Variants in ITGAL observed in about 807,000 individuals in gnomAD.
ITGAL encodes integrin alpha-L.
ITGAL carries 68 observed loss-of-function variants against 138.4 expected under a neutral mutation model. The ratio of observed to expected loss-of-function variants is 0.49; its 90% CI spans 0.40 to 0.60. ITGAL has a LOEUF of 0.60. ITGAL is among the 20% of genes least tolerant of loss of function. The pLI is 0.00. For missense variants in ITGAL, 1,256 were observed against 1,478.6 expected (o/e 0.85, Z 2.47); for synonymous variants, 561 against 584.3 (o/e 0.96, Z 0.57).
rs1264862843 is a variant in ITGAL, at chr16:30,479,404, G to T, written c.519G>T (p.Gln173His). 1 of 1,614,084 alleles carries T rather than the reference G, an allele frequency of 6.2e-7. No individual in the cohort carries two copies. The highest frequency in any genetic ancestry group is 1.1e-5 in the South Asian group (1 of 91,072). ...TGAGCTTGCAGCCAGATGAATTTCAGAAAATTCTGGACTTCATGAAGGATG... is the reference window on the plus strand; with the variant it reads ...TGAGCTTGCAGCCAGATGAATTTCATAAAATTCTGGACTTCATGAAGGATG... ...GSMSLQPDEFQKILDFMKDVM... is the reference protein window; with the variant it reads ...GSMSLQPDEFHKILDFMKDVM... The change falls in exon 6 of 31, where the codon CAG becomes CAT. Residue 173 changes from glutamine (Q) to histidine (H), a missense_variant. By Grantham distance (24) the Gln-to-His change is conservative (BLOSUM62 0). Transcript: ENST00000356798.
chr16:30,520,250 A>G (rs981630278), intron 30 of ITGAL, among the ~76,000 whole-genome samples: 19 of 152,180 alleles, frequency 1.2e-4, no homozygotes, highest in Non-Finnish European at 2.4e-4. Flanking sequence ...CCTGGGCAAC[A>G]TGGAAAGCAT....
At chr16:30,510,511 G>A (rs749032969) in intron 22 of ITGAL, 40 bp downstream of exon 22, 8 of 1,195,056 alleles carry the variant, frequency 6.7e-6, no homozygotes, top group Non-Finnish European at 1.0e-5. Flanking sequence ...CAGCCTAGGG[G>A]CCCTGAGCTG....
At chr16:30,520,539 G>A (rs4243233) in intron 30 of ITGAL, among the ~76,000 whole-genome samples, 91,991 of 152,086 alleles carry the variant, frequency 0.6, 28,840 homozygotes, top group East Asian at 0.99. Context: ...TATGCCAAAT[G>A]TGGAGGTCCT....
chr16:30,483,970 T>G lies in ITGAL; in HGVS notation c.855+11T>G, dbSNP rs761722919. On this transcript the variant is annotated intron_variant, in intron 8 of 30. Transcript: ENST00000356798. ...CGCTACATCATCGGGGTAGGGCCCC[T>G]GCTGCTTCCTGCATCATATCTTCCC... 1 of 1,607,960 alleles carries G rather than the reference T, an allele frequency of 6.2e-7. No homozygotes were observed. Among genetic ancestry groups the G allele is most frequent in the Non-Finnish European group, 8.5e-7 (1 of 1,174,948 alleles).
intron 6 of ITGAL, 44 bp from the exon 7 acceptor site, chr16:30,481,395 A>G (rs2151145581): frequency 1.4e-6 from 2 of 1,480,640 alleles, no homozygotes; most frequent in Non-Finnish European, 1.9e-6. Context: ...AGACAAATGG[A>G]AAGGGATATA....
At chr16:30,510,059 T>G (rs1220712388) in intron 21 of ITGAL, among the ~76,000 whole-genome samples, 1 of 151,982 alleles carries the variant, frequency 6.6e-6, no homozygotes, top group Non-Finnish European at 1.5e-5. Flanking sequence ...AAAAATTTTT[T>G]TTAATAGAGA....
chr16:30,494,646 A>T lies in ITGAL; in HGVS notation c.1366-67A>T, dbSNP rs2050774576. 2.6e-6 allele frequency: 4 copies of T among 1,526,796 alleles called. No individual in the cohort carries two copies. Among genetic ancestry groups the T allele is most frequent in the Non-Finnish European group, 3.5e-6 (4 of 1,129,604 alleles). 94.6% of individuals were successfully genotyped at this position (1,526,796 alleles called of 1,614,324 possible). A position where few individuals can be genotyped will look rare whatever the true frequency, so the allele number is the denominator to read the frequency against. ...GAGTGGCACAAGATGAACACGGTAC[A>T]GGTATCTCCCTGCCAACCCCTGCTG... On this transcript the variant is annotated intron_variant, in intron 12 of 30. Transcript: ENST00000356798. This position sits in a 1 kb window ranked among gnomAD's most constrained non-coding sequence, Gnocchi z 4.2.
At chr16:30,489,030 T>C in intron 9 of ITGAL, 52 bp from the exon 10 acceptor site, 3 of 1,487,822 alleles carry the variant, frequency 2.0e-6, no homozygotes, top group Non-Finnish European at 2.8e-6. Flanking sequence ...TGAATTTTTT[T>C]CACTGCATTT....
intron 1 of ITGAL, among the ~76,000 whole-genome samples, chr16:30,473,315 C>A (rs1300507475): frequency 1.3e-5 from 2 of 152,182 alleles, no homozygotes; most frequent in Non-Finnish European, 2.9e-5. Context: ...GGCCTGTAAT[C>A]CCAGCTACTC....
chr16:30,475,726 G>T, intron 4 of ITGAL, 146 bp downstream of exon 4: 6 of 309,474 alleles, frequency 1.9e-5, no homozygotes, highest in African/African-American at 2.5e-5. Flanking sequence ...AACCAATGAT[G>T]AACCAGCCTT....
At chr16:30,482,791 T>A (rs978249078) in intron 7 of ITGAL, among the ~76,000 whole-genome samples, 4 of 152,044 alleles carry the variant, frequency 2.6e-5, no homozygotes, top group Admixed American at 1.3e-4. Flanking sequence ...CAACCCAACT[T>A]GCTCAGAGGA....
At chr16:30,493,428 C>T (rs973483738) in intron 11 of ITGAL, among the ~76,000 whole-genome samples, 8 of 151,930 alleles carry the variant, frequency 5.3e-5, no homozygotes, top group Admixed American at 1.3e-4. Context: ...AGGCGCCTAC[C>T]ACCACGTCCA....
At position 30,517,976 on chromosome 16, in the gene ITGAL, T is replaced by G. The variant is rs904464457; in HGVS notation, c.3132+81T>G. ...CCGTTGTGGGTGGGCTCCCACCAGA[T>G]AGTCTGCCTCCATTTTTGTTTTCCA... On this transcript the variant is annotated intron_variant, in intron 28 of 30. Transcript: ENST00000356798. 2.8e-6 allele frequency: 3 copies of G among 1,061,156 alleles called. No individual in the cohort carries two copies. The African/African-American group carries it at 4.7e-5, about 17-fold the overall frequency. 65.7% of individuals were successfully genotyped at this position (1,061,156 alleles called of 1,614,324 possible).
At chr16:30,482,880 G>A (rs367839882) in intron 7 of ITGAL, among the ~76,000 whole-genome samples, 47 of 152,058 alleles carry the variant, frequency 3.1e-4, no homozygotes, top group African/African-American at 8.9e-4. Context: ...AGGCTGGAGC[G>A]CAGTGACGTG....
intron 6 of ITGAL, 65 bp downstream of exon 6, chr16:30,479,526 A>G: frequency 6.7e-7 from 1 of 1,495,344 alleles, no homozygotes; most frequent in South Asian, 1.2e-5. Context: ...GACTTAAACC[A>G]TGAAAGGAAA....
At position 30,522,039 on chromosome 16, in the gene ITGAL, C is replaced by A; in HGVS notation, c.*374C>A. 4.8e-6 allele frequency: 1 copy of A among 210,428 alleles called. No homozygotes were observed. The allele number at this position is 210,428 out of a possible 1,614,324, so 13.0% of individuals were successfully genotyped here. The stretch of plus-strand genomic sequence containing the variant: ...GGGATGTCCACAGATGCCTCCACCC[C>A]CCAGAACCTGTCCTTGCACACTCCC... On this transcript the variant is annotated 3_prime_UTR_variant, in exon 31 of 31. Transcript: ENST00000356798. The surrounding 1 kb of genome is among the most constrained non-coding windows in gnomAD (Gnocchi z 4.0).
intron 6 of ITGAL, 84 bp from the exon 7 acceptor site, chr16:30,481,345 TAAAAAAAAAA>T: frequency 2.2e-6 from 1 of 448,926 alleles, no homozygotes; most frequent in Non-Finnish European, 3.5e-6. Flanking sequence ...AAACTCCATC[TAAAAAAAAAA>T]AAAAAAAAAA....
At chr16:30,515,855 C>T (rs2051158608) in intron 25 of ITGAL, among the ~76,000 whole-genome samples, 1 of 152,020 alleles carries the variant, frequency 6.6e-6, no homozygotes, top group Non-Finnish European at 1.5e-5. Flanking sequence ...GCCTGTAGTC[C>T]CAGCTACTGG....
intron 17 of ITGAL, among the ~76,000 whole-genome samples, chr16:30,500,907 G>A (rs780705253): frequency 5.3e-5 from 8 of 152,112 alleles, no homozygotes; most frequent in Non-Finnish European, 1.0e-4. Context: ...GGGAGGCTGA[G>A]GCAGGAGAAT....
Sources: allele counts gnomAD v4.1 joint callset (sites outside exome capture counted in the v4.1 genomes callset), GRCh38; gene constraint gnomAD v4.1.1; non-coding constraint Gnocchi (gnomAD v3.1); transcripts MANE v1.5; gene names NCBI Gene and HGNC (gene_info 2026-07-23, HGNC 2026-07-21).